GTF3C6: variants seen among roughly 807,000 people sequenced by gnomAD.
GTF3C6 encodes the protein general transcription factor 3C polypeptide 6.
A neutral mutation model predicts 19.2 loss-of-function variants in GTF3C6; 11 were observed. The observed-to-expected ratio is 0.57, with a 90% CI of 0.36 to 0.95. GTF3C6 has a LOEUF of 0.95. Ranked by LOEUF, GTF3C6 falls within the 40% of genes least tolerant of loss-of-function variation. GTF3C6 has a pLI of 0.01. For synonymous variants in GTF3C6, 87 were observed against 84.2 expected (o/e 1.03, Z -0.18); for missense variants, 222 against 254.7 (o/e 0.87, Z 0.87).
intron 5 of GTF3C6, among the ~76,000 whole-genome samples, chr6:110,963,818 C>T (rs1771194798): frequency 6.6e-6 from 1 of 151,802 alleles, no homozygotes; most frequent in Admixed American, 6.6e-5. Flanking sequence ...TCTCCTGCCT[C>T]AGCCTCCCGA....
At chr6:110,961,897 G>A (rs9374226) in intron 4 of GTF3C6, among the ~76,000 whole-genome samples, 37,486 of 150,534 alleles carry the variant, frequency 0.25, 5,348 homozygotes, top group East Asian at 0.65. Flanking sequence ...GCTTTCAACT[G>A]TTAACGTATT....
At chr6:110,961,487 G>C (rs1156732476) in intron 4 of GTF3C6, among the ~76,000 whole-genome samples, 2 of 152,092 alleles carry the variant, frequency 1.3e-5, no homozygotes, top group African/African-American at 2.4e-5. Context: ...AGGCAGAGCA[G>C]CCTACTTTCT....
At chr6:110,959,284 A>G (rs750155410) in intron 2 of GTF3C6, 32 bp downstream of exon 2, 1 of 1,288,704 alleles carries the variant, frequency 7.8e-7, no homozygotes, top group Non-Finnish European at 1.1e-6. Flanking sequence ...GGATTGTTCT[A>G]GAGTGTCTTA....
chr6:110,966,834 A>G (rs1243528385), intron 5 of GTF3C6, among the ~76,000 whole-genome samples: 5 of 87,570 alleles, frequency 5.7e-5, no homozygotes, highest in Admixed American at 4.6e-4. Context: ...AAATATGAAT[A>G]TCTATAGTTG....
chr6:110,962,769 A>AT (rs199872737), intron 5 of GTF3C6, among the ~76,000 whole-genome samples: 133 of 148,948 alleles, frequency 8.9e-4, no homozygotes, highest in Middle Eastern at 3.4e-3. Flanking sequence ...CGCCCAGCCA[A>AT]TTTTCTTTTT....
chr6:110,959,195 A>G lies in GTF3C6; in HGVS notation c.81A>G (p.Leu27=), dbSNP rs761726780. ...AGGAGCAGTTGGTTCTGGTGGAATT[A>G]TCAGGAATTATTGATTCAGACTTCC... is the stretch of plus-strand genomic sequence containing the variant. ...EEEEQLVLVE[L]SGIIDSDFLS... Residue 27 remains leucine, a synonymous_variant, in exon 2 of 6, where the codon TTA becomes TTG. Transcript: ENST00000329970. 53 of 1,612,552 alleles carry G rather than the reference A, an allele frequency of 3.3e-5. No individual in the cohort carries two copies. Among genetic ancestry groups the G allele is most frequent in the Non-Finnish European group, 4.4e-5 (52 of 1,178,764 alleles).
At chr6:110,962,254 A>G in intron 4 of GTF3C6, 138 bp from the exon 5 acceptor site, 1 of 593,866 alleles carries the variant, frequency 1.7e-6, no homozygotes, top group Non-Finnish European at 3.1e-6. Context: ...AGGAGGGATG[A>G]GTTATACCTT....
chr6:110,962,448 A>C lies in GTF3C6; in HGVS notation c.304A>C (p.Lys102Gln), dbSNP rs1416952493. The C allele has an allele frequency of 2.5e-6, 4 of 1,612,614 alleles. No homozygotes were observed. Among genetic ancestry groups the C allele is most frequent in the East Asian group, 2.2e-5 (1 of 44,882 alleles). Residue 102 changes from lysine to glutamine, a missense_variant, in exon 5 of 6, where the codon AAG becomes CAG. By Grantham distance (53) the Lys-to-Gln change is moderately conservative. Coordinates refer to ENST00000329970, the MANE Select transcript of GTF3C6 (RefSeq NM_138408.4). The part of the protein sequence containing the change: ...VLKYKCHTMK[K>Q]LSMTRTLLTE... ...AAAATATAAATGCCATACAATGAAG[A>C]AGCTCAGCATGACAAGAACTCTCCT...
intron 5 of GTF3C6, among the ~76,000 whole-genome samples, chr6:110,963,799 G>A (rs1771194637): frequency 6.6e-6 from 1 of 151,010 alleles, no homozygotes; most frequent in Non-Finnish European, 1.5e-5. Context: ...CCTCTTGGGT[G>A]CAAGCGATTC....
At chr6:110,964,280 C>T (rs986255494) in intron 5 of GTF3C6, among the ~76,000 whole-genome samples, 2 of 151,280 alleles carry the variant, frequency 1.3e-5, no homozygotes, top group Non-Finnish European at 3.0e-5. Context: ...AGTTTCACTC[C>T]GTCGCCCAGG....
At chr6:110,967,252 T>C (rs1287284979) in intron 5 of GTF3C6, among the ~76,000 whole-genome samples, 1 of 152,102 alleles carries the variant, frequency 6.6e-6, no homozygotes, top group African/African-American at 2.4e-5. Flanking sequence ...AGAACTGAAC[T>C]CTGGAAAAAG....
At chr6:110,959,372 C>A in intron 2 of GTF3C6, 120 bp downstream of exon 2, 1 of 669,574 alleles carries the variant, frequency 1.5e-6, no homozygotes, top group South Asian at 1.8e-5. Context: ...AAGTAGTGAA[C>A]TCTAAGGATA....
intron 5 of GTF3C6, among the ~76,000 whole-genome samples, chr6:110,966,200 G>T (rs572862916): frequency 6.6e-6 from 1 of 152,092 alleles, no homozygotes; most frequent in Non-Finnish European, 1.5e-5. Flanking sequence ...TTGGCTAGGC[G>T]TGGTGGCTCA....
Position 110,960,559 on chromosome 6 carries a change from T to TG in GTF3C6, c.203-13_203-12insG. 4 of 1,613,740 alleles carry TG rather than the reference T, an allele frequency of 2.5e-6. No individual in the cohort carries two copies. The highest frequency in any genetic ancestry group is 3.4e-6 in the Non-Finnish European group (4 of 1,179,652). On this transcript the variant is annotated splice_polypyrimidine_tract_variant and intron_variant, in intron 3 of 5. Coordinates refer to ENST00000329970, the MANE Select transcript of GTF3C6 (RefSeq NM_138408.4). ...AGCTCTTCTCAACAATTTGCCTTTG[T>TG]ATTTTTCTGCAGACACTCTAGGGAC...
intron 5 of GTF3C6, among the ~76,000 whole-genome samples, chr6:110,962,864 C>T (rs1771180082): frequency 6.6e-6 from 1 of 152,118 alleles, no homozygotes; most frequent in African/African-American, 2.4e-5. Flanking sequence ...CTGCAACCTC[C>T]GCCTCCCGGG....
In GTF3C6 at chr6:110,960,626, T is replaced by C; in HGVS notation, c.247+10T>C. ...GAAAATGTTGAACATGGTAAGTGAT[T>C]GCTAGCCCAGCCCTTTTTAATACGA... is the stretch of plus-strand genomic sequence containing the variant. On this transcript the variant is annotated intron_variant, in intron 4 of 5. Transcript: ENST00000329970. 6.2e-7 allele frequency: 1 copy of C among 1,606,408 alleles called. No individual in the cohort carries two copies. Among genetic ancestry groups the C allele is most frequent in the Non-Finnish European group, 8.5e-7 (1 of 1,173,030 alleles).
chr6:110,959,156 CTCTT>C lies in GTF3C6; in HGVS notation c.58-9_58-6del, dbSNP rs777163035. ...CGCTCGCGTGCTAGCATGTTAACCC[CTCTT>C]TCTTTCACCAGGAGCAGTTGGTTCT... On this transcript the variant is annotated splice_polypyrimidine_tract_variant and intron_variant, in intron 1 of 5. Coordinates refer to ENST00000329970, the MANE Select transcript of GTF3C6 (RefSeq NM_138408.4). The C allele has an allele frequency of 3.8e-6, 6 of 1,585,044 alleles. No homozygotes were observed. Among genetic ancestry groups the C allele is most frequent in the Non-Finnish European group, 5.2e-6 (6 of 1,153,700 alleles).
At chr6:110,960,776 C>T (rs1771150538) in intron 4 of GTF3C6, among the ~76,000 whole-genome samples, 160 bp downstream of exon 4, 1 of 151,752 alleles carries the variant, frequency 6.6e-6, no homozygotes, top group South Asian at 2.1e-4. Context: ...CCAGGCTGGG[C>T]CAGGTGGCTC....
chr6:110,963,569 G>T (rs12197483), intron 5 of GTF3C6, among the ~76,000 whole-genome samples: 5,005 of 152,218 alleles, frequency 0.033, 101 homozygotes, highest in Middle Eastern at 0.071. Flanking sequence ...CCTGTCTGAT[G>T]TGTGGGGGGA....
Sources: gnomAD v4.1 joint callset for allele counts (sites outside exome capture counted in the v4.1 genomes callset) on GRCh38, gnomAD v4.1.1 for gene constraint, MANE v1.5 for transcripts, NCBI Gene and HGNC (gene_info 2026-07-23, HGNC 2026-07-21) for gene names.